Variants in NADSYN1 observed in about 807,000 individuals in gnomAD.
NADSYN1 encodes the protein NAD synthetase 1, also known as glutamine-dependent NAD(+) synthetase.
Under a neutral mutation model 99.3 loss-of-function variants are expected in NADSYN1, and 80 were observed. The observed-to-expected ratio is 0.81, with a 90% confidence interval of 0.67 to 0.97. NADSYN1 has a LOEUF of 0.97. Among genes scored for constraint, NADSYN1 ranks in the 50% least tolerant of loss-of-function variants. The probability of loss-of-function intolerance (pLI) is 0.00; values close to 1 mark genes in which losing one functional copy is unlikely to be tolerated. For missense variants in NADSYN1, 859 were observed against 948.5 expected, an observed-to-expected ratio of 0.91 and a Z score of 1.24; for synonymous variants, 385 against 372.1, an observed-to-expected ratio of 1.03 and a Z score of -0.40.
rs112412421 is a variant in NADSYN1, at chr11:71,493,732, T to A, written c.1764+1829T>A. Among the ~76,000 whole-genome samples, 618 of 152,354 alleles carry A rather than the reference T, an allele frequency of 4.1e-3. 5 individuals carry two copies. The highest frequency in any genetic ancestry group is 0.014 in the African/African-American group (597 of 41,586). On this transcript the variant is annotated intron_variant, in intron 18 of 20. Transcript: ENST00000319023. ...GTTTTATAGTTTTAGTCCTTATGTT[T>A]AGGTCTGTGAGCCAGTTGAGTTAAT...
At chr11:71,455,025 A>C in intron 1 of NADSYN1, 85 bp from the exon 2 acceptor site, 1 of 995,288 alleles carries the variant, frequency 1.0e-6, no homozygotes, top group Non-Finnish European at 1.5e-6. Flanking sequence ...TTTTTATCCT[A>C]CCTACTGCAG....
intron 3 of NADSYN1, chr11:71,460,287 C>T (rs991626705): frequency 6.6e-6 from 1 of 152,314 alleles, no homozygotes; most frequent in African/African-American, 2.4e-5. Context: ...CAGACGACCA[C>T]AAGGACTTAC....
intron 8 of NADSYN1, among the ~76,000 whole-genome samples, chr11:71,473,979 G>A (rs976360938): frequency 6.6e-6 from 1 of 152,184 alleles, no homozygotes; most frequent in African/African-American, 2.4e-5. Context: ...GGGAACACCC[G>A]TACGTTTGCT....
chr11:71,498,720 C>A, intron 20 of NADSYN1, 192 bp downstream of exon 20: 1 of 558,694 alleles, frequency 1.8e-6, no homozygotes, highest in Non-Finnish European at 3.1e-6. Flanking sequence ...AATAAAAATT[C>A]TATATATTGA....
At chr11:71,477,522 T>A in intron 9 of NADSYN1, 1 of 1,120,484 alleles carries the variant, frequency 8.9e-7, no homozygotes, top group Non-Finnish European at 1.2e-6. Flanking sequence ...GTGGTGCAGG[T>A]GCTGTTCCCG....
intron 2 of NADSYN1, 39 bp from the exon 3 acceptor site, chr11:71,458,389 G>T: frequency 6.6e-7 from 1 of 1,523,670 alleles, no homozygotes; most frequent in African/African-American, 1.4e-5. Context: ...CCGCTCACCT[G>T]AGTTGTTTCT....
At chr11:71,497,069 G>A (rs890422418) in intron 18 of NADSYN1, 1 of 224,334 alleles carries the variant, frequency 4.5e-6, no homozygotes, top group Non-Finnish European at 8.9e-6. Context: ...GTAGAGACAA[G>A]GTCTTGCCAT....
In NADSYN1 at chr11:71,501,483, G is replaced by A; in HGVS notation, c.*131G>A. On this transcript the variant is annotated 3_prime_UTR_variant, in exon 21 of 21. Coordinates refer to ENST00000319023, the MANE Select transcript of NADSYN1 (RefSeq NM_018161.5). The stretch of plus-strand genomic sequence containing the variant: ...GACGGCGCATCAGCCGAGAGGGAGG[G>A]AACTTTTCAGTCAAATTCCTCAAAA... 1 of 768,110 alleles carries A rather than the reference G, an allele frequency of 1.3e-6. No individual in the cohort carries two copies. Among genetic ancestry groups the A allele is most frequent in the South Asian group, 1.8e-5 (1 of 56,192 alleles). The allele number at this position is 768,110 out of a possible 1,614,324, so 47.6% of individuals were successfully genotyped here. A position where few individuals can be genotyped will look rare whatever the true frequency, so the allele number is the denominator to read the frequency against.
At chr11:71,470,304 C>G (rs1233210094) in intron 5 of NADSYN1, among the ~76,000 whole-genome samples, 1 of 152,228 alleles carries the variant, frequency 6.6e-6, no homozygotes, top group Non-Finnish European at 1.5e-5. Flanking sequence ...CAGACCATAT[C>G]AGCGCACCTG....
chr11:71,462,938 G>A (rs1949559705), intron 3 of NADSYN1, among the ~76,000 whole-genome samples: 1 of 152,214 alleles, frequency 6.6e-6, no homozygotes. Flanking sequence ...AGGGGGAGAT[G>A]ATAGGGTGTT....
At chr11:71,459,522 C>T (rs1949536382) in intron 3 of NADSYN1, among the ~76,000 whole-genome samples, 1 of 152,000 alleles carries the variant, frequency 6.6e-6, no homozygotes, top group Non-Finnish European at 1.5e-5. Flanking sequence ...AGCCGGCTCC[C>T]TATGGAGGAT....
At chr11:71,471,426 G>A (rs540278874) in intron 5 of NADSYN1, among the ~76,000 whole-genome samples, 59 of 152,362 alleles carry the variant, frequency 3.9e-4, no homozygotes, top group African/African-American at 1.2e-3. Flanking sequence ...CTAAGGCCTG[G>A]TCCTTGCCTG....
chr11:71,484,712 AG>A, intron 15 of NADSYN1: 1 of 470,242 alleles, frequency 2.1e-6, no homozygotes, highest in Non-Finnish European at 3.9e-6. Context: ...CGGGGGTGTA[AG>A]GATGTGCGTG....
At chr11:71,477,308 T>C in intron 9 of NADSYN1, 4 of 1,274,918 alleles carry the variant, frequency 3.1e-6, no homozygotes, top group Non-Finnish European at 4.1e-6. Context: ...TCCATTGTTT[T>C]ATGGCTTCAC....
intron 11 of NADSYN1, 53 bp from the exon 12 acceptor site, chr11:71,481,303 T>C: frequency 4.4e-6 from 7 of 1,591,770 alleles, no homozygotes; most frequent in Non-Finnish European, 5.2e-6. Context: ...GGTTGTTGGG[T>C]GCTGTGGGCA....
At chr11:71,470,313 T>C (rs1397588365) in intron 5 of NADSYN1, among the ~76,000 whole-genome samples, 1 of 152,238 alleles carries the variant, frequency 6.6e-6, no homozygotes, top group Non-Finnish European at 1.5e-5. Flanking sequence ...TCAGCGCACC[T>C]GGGTGCATGA....
At chr11:71,483,048 A>C (rs769887850) in intron 14 of NADSYN1, 31 bp downstream of exon 14, 1 of 1,610,398 alleles carries the variant, frequency 6.2e-7, no homozygotes, top group South Asian at 1.1e-5. Context: ...TGGGCATGGC[A>C]GGTGGCTGAC....
chr11:71,485,750 G>T, intron 16 of NADSYN1, 102 bp downstream of exon 16: 5 of 868,742 alleles, frequency 5.8e-6, no homozygotes, highest in Non-Finnish European at 8.6e-6. Context: ...TTTCATGGCG[G>T]GTTTGGTGCC....
At chr11:71,458,764 T>C (rs1949529661) in intron 3 of NADSYN1, 1 of 523,422 alleles carries the variant, frequency 1.9e-6, no homozygotes, top group Non-Finnish European at 3.5e-6. Flanking sequence ...ATGTGTCAGT[T>C]CTTCCAGAAA....
Sources: gnomAD v4.1 joint callset for allele counts (sites outside exome capture counted in the v4.1 genomes callset) on GRCh38, gnomAD v4.1.1 for gene constraint, MANE v1.5 for transcripts, NCBI Gene and HGNC (gene_info 2026-07-23, HGNC 2026-07-21) for gene names.